Variants in MPP2 observed in about 807,000 individuals in gnomAD.
MPP2 encodes MAGUK p55 subfamily member 2.
Under a neutral mutation model 58.5 loss-of-function variants are expected in MPP2, and 42 were observed. The ratio of observed to expected loss-of-function variants is 0.72; its 90% CI spans 0.56 to 0.93. The LOEUF (loss-of-function observed/expected upper bound fraction) is 0.93. Among genes scored for constraint, MPP2 ranks in the 40% least tolerant of loss-of-function variants. MPP2 has a pLI of 0.00. For synonymous variants in MPP2, 300 were observed against 307.8 expected (o/e 0.97, Z 0.26); for missense variants, 632 against 760.4 (o/e 0.83, Z 1.99).
intron 3 of MPP2, 155 bp downstream of exon 3, chr17:43,898,107 C>A: frequency 1.5e-6 from 1 of 655,118 alleles, no homozygotes; most frequent in Non-Finnish European, 2.7e-6. Flanking sequence ...CCACTCAGGT[C>A]ATCACCTGGG....
chr17:43,900,421 T>A, intron 2 of MPP2: 2 of 1,537,568 alleles, frequency 1.3e-6, no homozygotes, highest in Non-Finnish European at 1.8e-6. Flanking sequence ...TGGAGGAAGG[T>A]AGGCTAAGGG....
intron 3 of MPP2, 70 bp downstream of exon 3, chr17:43,898,191 CT>C (rs2047929739): frequency 8.4e-7 from 1 of 1,184,622 alleles, no homozygotes; most frequent in Non-Finnish European, 1.3e-6. Context: ...CCCTCTGTAG[CT>C]AATACCCCAT....
Position 43,907,462 on chromosome 17 carries a change from G to A in MPP2, c.-34+12C>T. 1.0e-6 allele frequency: 1 copy of A among 985,582 alleles called. No individual in the cohort carries two copies. Among genetic ancestry groups the A allele is most frequent in the Non-Finnish European group, 1.2e-6 (1 of 830,022 alleles). 61.1% of individuals were successfully genotyped at this position (985,582 alleles called of 1,614,324 possible). Reference sequence around the variant, plus strand: ...GGGATAGGAGCTGGCCCGGGGGCCGGGGGACGCCTACCTGCGCCCCGGGAA... The same window carrying A: ...GGGATAGGAGCTGGCCCGGGGGCCGAGGGACGCCTACCTGCGCCCCGGGAA... On this transcript the variant is annotated intron_variant, in intron 1 of 12. Coordinates refer to ENST00000269095, the MANE Select transcript of MPP2 (RefSeq NM_005374.5).
chr17:43,907,153 C>A, intron 1 of MPP2: 1 of 985,014 alleles, frequency 1.0e-6, no homozygotes, highest in Non-Finnish European at 1.2e-6. Flanking sequence ...CTAAGTACCC[C>A]CAACCCGCAC....
Position 43,875,757 on chromosome 17 carries a change from C to A in MPP2, c.*2050G>T, listed in dbSNP as rs1055943773. ...GGCCCCAGGCCTGCCCCTTGAGCAT[C>A]CCTAGCAGTGAAGGTGCCATGAAGG... On this transcript the variant is annotated 3_prime_UTR_variant, in exon 13 of 13. Transcript: ENST00000269095. 2 of 152,154 alleles carry A rather than the reference C, an allele frequency of 1.3e-5. No individual in the cohort carries two copies. The highest frequency in any genetic ancestry group is 2.4e-5 in the African/African-American group (1 of 41,414). 9.4% of individuals were successfully genotyped at this position (152,154 alleles called of 1,614,324 possible).
chr17:43,894,452 C>CTGT (rs1567895727), intron 3 of MPP2, among the ~76,000 whole-genome samples: 1 of 77,938 alleles, frequency 1.3e-5, no homozygotes, highest in Non-Finnish European at 2.5e-5. Flanking sequence ...TATACACACA[C>CTGT]ACACACACAC....
chr17:43,900,643 G>T, intron 2 of MPP2: 5 of 1,438,550 alleles, frequency 3.5e-6, no homozygotes, highest in Non-Finnish European at 4.6e-6. Context: ...TGGGGAAGGC[G>T]GGAGTCGAGG....
rs749936106 is a variant in MPP2 at position 43,898,361 on chromosome 17, G to T, written c.51C>A (p.Asp17Glu). The T allele has an allele frequency of 8.1e-5, 130 of 1,613,910 alleles. No individual in the cohort carries two copies. The highest frequency in any genetic ancestry group is 1.1e-4 in the Non-Finnish European group (125 of 1,179,906). Residue 17 changes from aspartate (D) to glutamate (E), a missense_variant, in exon 3 of 13, where the codon GAC becomes GAA. By Grantham distance (45) the Asp-to-Glu change is conservative. Coordinates refer to ENST00000269095, the MANE Select transcript of MPP2 (RefSeq NM_005374.5). ...NSETAMQQVL[D>E]NLGSLPSATG... The stretch of plus-strand genomic sequence containing the variant: ...TGGCACTGGGGAGGGATCCCAAGTT[G>T]TCCAGGACTTGCTGCATGGCTGGGG...
chr17:43,908,391 G>A (rs1462189990), upstream of MPP2, among the ~76,000 whole-genome samples: 1 of 152,220 alleles, frequency 6.6e-6, no homozygotes, highest in African/African-American at 2.4e-5. Flanking sequence ...TGAACAAAAT[G>A]TGAGAGTCAT....
chr17:43,902,616 T>C lies in MPP2; in HGVS notation c.31+1814A>G, dbSNP rs745715242. On this transcript the variant is annotated intron_variant, in intron 2 of 12. Coordinates refer to ENST00000269095, the MANE Select transcript of MPP2 (RefSeq NM_005374.5). ...AGAAGAGGCCTTTCCTGGACAAGTG[T>C]ACCACAGTTTAGGCCCTGGCTCACT... Among the ~76,000 whole-genome samples the C allele has an allele frequency of 2.6e-5, 4 of 152,036 alleles. No homozygotes were observed. The East Asian group carries it at 5.8e-4, about 22-fold the overall frequency.
intron 3 of MPP2, among the ~76,000 whole-genome samples, chr17:43,884,375 GTTTTT>G (rs201181669): frequency 6.6e-6 from 1 of 151,696 alleles, no homozygotes; most frequent in Admixed American, 6.6e-5. Context: ...TTGTTGTTTT[GTTTTT>G]TTTGTTTCTG....
chr17:43,885,712 T>C (rs1259572182), intron 3 of MPP2, among the ~76,000 whole-genome samples: 1 of 152,192 alleles, frequency 6.6e-6, no homozygotes, highest in African/African-American at 2.4e-5. Context: ...ACAAATCTAT[T>C]AGTAAAAATC....
chr17:43,896,199 T>C (rs1327996919), intron 3 of MPP2, among the ~76,000 whole-genome samples: 1 of 152,058 alleles, frequency 6.6e-6, no homozygotes, highest in African/African-American at 2.4e-5. Flanking sequence ...TCCACCACCA[T>C]GCACTGAAAA....
At chr17:43,894,175 T>G (rs1409022389) in intron 3 of MPP2, among the ~76,000 whole-genome samples, 5 of 151,246 alleles carry the variant, frequency 3.3e-5, no homozygotes, top group Non-Finnish European at 5.9e-5. Flanking sequence ...TCCCATCACT[T>G]TGGGAGGCCA....
chr17:43,900,450 ATCT>A, intron 2 of MPP2: 5 of 971,990 alleles, frequency 5.1e-6, no homozygotes, highest in Non-Finnish European at 6.0e-6. Flanking sequence ...CCCCGCCCCC[ATCT>A]GGCCCGCCCT....
intron 1 of MPP2, among the ~76,000 whole-genome samples, chr17:43,906,758 G>A (rs895062292): frequency 6.6e-6 from 1 of 152,064 alleles, no homozygotes; most frequent in African/African-American, 2.4e-5. Flanking sequence ...GGCGTGTTGT[G>A]AGCCATCAAA....
At chr17:43,889,323 T>C (rs148195692) in intron 3 of MPP2, among the ~76,000 whole-genome samples, 1 of 151,486 alleles carries the variant, frequency 6.6e-6, no homozygotes, top group Non-Finnish European at 1.5e-5. Flanking sequence ...TCTAACCACA[T>C]GCCCCACTCA....
At chr17:43,896,650 G>T (rs572753093) in intron 3 of MPP2, among the ~76,000 whole-genome samples, 1 of 151,838 alleles carries the variant, frequency 6.6e-6, no homozygotes, top group Non-Finnish European at 1.5e-5. Context: ...CAAAGCCCCC[G>T]CTCCTTTCTC....
chr17:43,882,022 A>C (rs568562102), intron 6 of MPP2, among the ~76,000 whole-genome samples: 1 of 152,224 alleles, frequency 6.6e-6, no homozygotes, highest in Non-Finnish European at 1.5e-5. Context: ...AAGAACGCTG[A>C]CCATAATGCA....
Sources: gnomAD v4.1 joint callset for allele counts (sites outside exome capture counted in the v4.1 genomes callset) on GRCh38, gnomAD v4.1.1 for gene constraint, MANE v1.5 for transcripts, NCBI Gene and HGNC (gene_info 2026-07-23, HGNC 2026-07-21) for gene names.